Variants in CCDC102B observed in about 807,000 individuals in gnomAD.
CCDC102B encodes coiled-coil domain containing 102B, also known as coiled-coil domain-containing protein 102B.
CCDC102B carries 75 observed loss-of-function variants against 57.4 expected under a neutral mutation model. The ratio of observed to expected loss-of-function variants is 1.31; its 90% CI spans 1.08 to 1.58. The LOEUF is 1.58. Among genes scored for constraint, CCDC102B ranks in the 40% most tolerant of loss-of-function variants. The pLI is 0.00. For missense variants in CCDC102B, 636 were observed against 582.6 expected (o/e 1.09, Z -0.94); for synonymous variants, 206 against 201.9 (o/e 1.02, Z -0.17).
At chr18:68,719,487 T>C (rs893251674) in intron 2 of CCDC102B, among the ~76,000 whole-genome samples, 1 of 152,104 alleles carries the variant, frequency 6.6e-6, no homozygotes, top group East Asian at 1.9e-4. Context: ...AGTAGTGATA[T>C]CCAAGGGCAA....
chr18:68,832,114 A>C (rs970627985), intron 1 of CCDC102B, among the ~76,000 whole-genome samples: 7 of 152,042 alleles, frequency 4.6e-5, no homozygotes, highest in African/African-American at 9.7e-5. Context: ...TTAGGAAAAA[A>C]AAAATTCAAC....
chr18:68,902,011 A>G (rs2040471853), intron 6 of CCDC102B, among the ~76,000 whole-genome samples: 1 of 152,220 alleles, frequency 6.6e-6, no homozygotes, highest in African/African-American at 2.4e-5. Flanking sequence ...TGAGGCTTCC[A>G]GGTGACACTG....
intron 1 of CCDC102B, among the ~76,000 whole-genome samples, chr18:68,830,558 T>TC (rs1201468769): frequency 1.3e-5 from 2 of 151,838 alleles, no homozygotes; most frequent in African/African-American, 4.8e-5. Context: ...GAATTGACTG[T>TC]CAGGTTTCCA....
intron 4 of CCDC102B, chr18:68,866,762 T>G: frequency 3.1e-6 from 2 of 649,536 alleles, no homozygotes; most frequent in Admixed American, 3.7e-5. Context: ...AGTGCACGGG[T>G]CTGTCTTTTT....
rs1254772442 is a variant in CCDC102B, at chr18:68,762,176, G to A, written c.-67+45582G>A. On this transcript the variant is annotated intron_variant, in intron 2 of 3. Coordinates refer to the CCDC102B transcript ENST00000578970. ...ATAAGCAATCCATAAATTTTAAACT[G>A]TGTGCCATCATGGGTAGCATGATGA... is the stretch of plus-strand genomic sequence containing the variant. Among the ~76,000 whole-genome samples the A allele has an allele frequency of 2.0e-5, 3 of 152,222 alleles. No homozygotes were observed. In the East Asian group the frequency reaches 5.8e-4, roughly 29 times the overall value.
chr18:68,897,100 A>G, intron 5 of CCDC102B, 119 bp from the exon 6 acceptor site: 1 of 708,802 alleles, frequency 1.4e-6, no homozygotes, highest in East Asian at 2.6e-5. Flanking sequence ...TTTTCTTTTT[A>G]AAATTGTATC....
At chr18:68,902,465 G>T (rs1311518969) in intron 6 of CCDC102B, among the ~76,000 whole-genome samples, 1 of 152,132 alleles carries the variant, frequency 6.6e-6, no homozygotes, top group Non-Finnish European at 1.5e-5. Context: ...TGGGTCAGAG[G>T]TTTGAGCTAT....
intron 5 of CCDC102B, among the ~76,000 whole-genome samples, chr18:68,892,308 G>T (rs1453552534): frequency 1.3e-5 from 2 of 152,112 alleles, no homozygotes; most frequent in Admixed American, 6.5e-5. Context: ...ATAGTAGCTT[G>T]TGTTCTGGCT....
At chr18:68,817,178 T>C (rs1280235130) in intron 1 of CCDC102B, among the ~76,000 whole-genome samples, 1 of 152,246 alleles carries the variant, frequency 6.6e-6, no homozygotes, top group Non-Finnish European at 1.5e-5. Context: ...TCACATTACA[T>C]ATGCCTGAGA....
chr18:68,768,730 A>G (rs1046744679), intron 2 of CCDC102B, among the ~76,000 whole-genome samples: 1 of 151,980 alleles, frequency 6.6e-6, no homozygotes, highest in South Asian at 2.1e-4. Flanking sequence ...AACTATATAA[A>G]TAGATATATC....
chr18:68,817,625 T>C (rs756721843), intron 1 of CCDC102B, among the ~76,000 whole-genome samples: 1 of 152,224 alleles, frequency 6.6e-6, no homozygotes, highest in Non-Finnish European at 1.5e-5. Context: ...GTTATCTATT[T>C]AGATTGAACA....
intron 6 of CCDC102B, among the ~76,000 whole-genome samples, chr18:68,928,662 C>T (rs1461284530): frequency 6.6e-6 from 1 of 151,804 alleles, no homozygotes; most frequent in Non-Finnish European, 1.5e-5. Context: ...ATGGAAGAAA[C>T]TATTACAAAC....
At chr18:68,774,291 T>C (rs2034738671) in intron 2 of CCDC102B, among the ~76,000 whole-genome samples, 1 of 151,392 alleles carries the variant, frequency 6.6e-6, no homozygotes, top group Non-Finnish European at 1.5e-5. Flanking sequence ...TGTTTATAAA[T>C]AAGTATAGTT....
chr18:69,024,077 T>A (rs1450465991), intron 7 of CCDC102B, among the ~76,000 whole-genome samples: 1 of 152,018 alleles, frequency 6.6e-6, no homozygotes, highest in African/African-American at 2.4e-5. Flanking sequence ...TAAATTTTCC[T>A]GTACAAAAAA....
chr18:68,794,466 A>C (rs2035563391), upstream of CCDC102B, among the ~76,000 whole-genome samples: 2 of 152,164 alleles, frequency 1.3e-5, no homozygotes, highest in African/African-American at 4.8e-5. Context: ...TGCTCCAAAC[A>C]AAAATAAAAA....
At position 68,837,096 on chromosome 18, in the gene CCDC102B, T is replaced by A. The variant is rs1357865096; in HGVS notation, c.333T>A (p.Ala111=). ...GAGAAAAATGGAGTAAAGTTCGAGC[T>A]GAAAGGAACAGTGCCAGGGAGGAAG... ...NWREKWSKVR[A]ERNSAREEGR... Residue 111 remains alanine (A), a synonymous_variant, in exon 2 of 8, where the codon GCT becomes GCA. Coordinates refer to ENST00000360242, the MANE Select transcript of CCDC102B (RefSeq NM_024781.3). 6.2e-7 allele frequency: 1 copy of A among 1,614,108 alleles called. No individual in the cohort carries two copies. Among genetic ancestry groups the A allele is most frequent in the Non-Finnish European group, 8.5e-7 (1 of 1,180,024 alleles).
At chr18:68,886,091 C>T (rs965210318) in intron 5 of CCDC102B, among the ~76,000 whole-genome samples, 6 of 151,544 alleles carry the variant, frequency 4.0e-5, no homozygotes, top group African/African-American at 1.2e-4. Flanking sequence ...GAACACGTGG[C>T]CGGGGGCAGT....
chr18:69,050,931 T>A (rs2052688273), intron 7 of CCDC102B, among the ~76,000 whole-genome samples: 1 of 152,174 alleles, frequency 6.6e-6, no homozygotes, highest in Non-Finnish European at 1.5e-5. Flanking sequence ...TTCACTCAGG[T>A]TGGTGTACAG....
chr18:68,741,557 A>G (rs926651823), intron 2 of CCDC102B, among the ~76,000 whole-genome samples: 1 of 152,118 alleles, frequency 6.6e-6, no homozygotes, highest in Non-Finnish European at 1.5e-5. Flanking sequence ...AGGATTGCCA[A>G]TGTTGAAATA....
Sources: allele counts gnomAD v4.1 joint callset (sites outside exome capture counted in the v4.1 genomes callset), GRCh38; gene constraint gnomAD v4.1.1; transcripts MANE v1.5; gene names NCBI Gene and HGNC (gene_info 2026-07-23, HGNC 2026-07-21).